MAD1L1: variants seen among roughly 807,000 people sequenced by gnomAD.
MAD1L1 encodes the protein mitotic spindle assembly checkpoint protein MAD1.
In MAD1L1, 95 loss-of-function variants were observed where a neutral mutation model predicts 96.9. The observed-to-expected ratio is 0.98, with a 90% CI of 0.83 to 1.16. The LOEUF is 1.16. MAD1L1 is among the 50% of genes most tolerant of loss of function. MAD1L1 has a pLI of 0.00. For synonymous variants in MAD1L1, 473 were observed against 396.6 expected (o/e 1.19, Z -2.29); for missense variants, 1,007 against 954.4 (o/e 1.06, Z -0.73).
intron 16 of MAD1L1, among the ~76,000 whole-genome samples, chr7:1,944,368 G>A (rs563631730): frequency 2.6e-4 from 40 of 152,316 alleles, no homozygotes; most frequent in Admixed American, 8.5e-4. Flanking sequence ...TGGAATGTGC[G>A]TCGCATTTCA....
At chr7:1,932,581 A>T (rs1331574093) in intron 17 of MAD1L1, among the ~76,000 whole-genome samples, 1 of 152,246 alleles carries the variant, frequency 6.6e-6, no homozygotes, top group Non-Finnish European at 1.5e-5. Flanking sequence ...TAGATGACTG[A>T]TCCCGGATCC....
chr7:2,113,163 C>T (rs1787470763), intron 11 of MAD1L1, among the ~76,000 whole-genome samples: 1 of 151,898 alleles, frequency 6.6e-6, no homozygotes, highest in South Asian at 2.1e-4. Flanking sequence ...CCTCCCTCAG[C>T]AAAGCGTCCC....
intron 9 of MAD1L1, among the ~76,000 whole-genome samples, chr7:2,214,803 C>T (rs1486038865): frequency 1.3e-5 from 2 of 152,206 alleles, no homozygotes; most frequent in South Asian, 2.1e-4. Context: ...CCAACTGCCG[C>T]GGTGAAGACA....
intron 18 of MAD1L1, among the ~76,000 whole-genome samples, chr7:1,888,321 T>G (rs992785804): frequency 1.4e-5 from 2 of 138,438 alleles, no homozygotes; most frequent in African/African-American, 5.0e-5. Flanking sequence ...CCTATGTGTG[T>G]GTGTGCATGC....
At chr7:2,151,544 C>A in intron 10 of MAD1L1, among the ~76,000 whole-genome samples, 1 of 152,268 alleles carries the variant, frequency 6.6e-6, no homozygotes, top group East Asian at 1.9e-4. Flanking sequence ...TGTGGGGAAG[C>A]CTCCCTGCAG....
intron 12 of MAD1L1, among the ~76,000 whole-genome samples, chr7:2,052,107 G>A (rs1031758822): frequency 1.3e-5 from 2 of 152,104 alleles, no homozygotes; most frequent in African/African-American, 2.4e-5. Context: ...CAAGACCCAC[G>A]CTCCGCACAC....
At chr7:2,220,915 C>T (rs773911373) in intron 5 of MAD1L1, 20 of 1,611,892 alleles carry the variant, frequency 1.2e-5, no homozygotes, top group East Asian at 1.1e-4. Flanking sequence ...GATGCAGGGC[C>T]GAGCCCACCT....
intron 10 of MAD1L1, among the ~76,000 whole-genome samples, chr7:2,162,481 A>G (rs1790201342): frequency 6.6e-6 from 1 of 151,900 alleles, no homozygotes; most frequent in African/African-American, 2.4e-5. Context: ...GCCTAGGAAA[A>G]CCAGAGACCT....
At chr7:2,123,811 G>C (rs573792711) in intron 11 of MAD1L1, among the ~76,000 whole-genome samples, 86 of 152,356 alleles carry the variant, frequency 5.6e-4, no homozygotes, top group Admixed American at 2.1e-3. Flanking sequence ...GCTGTGCAAA[G>C]AATCAGCGCT....
At chr7:2,127,184 G>C (rs954971227) in intron 11 of MAD1L1, among the ~76,000 whole-genome samples, 16 of 152,216 alleles carry the variant, frequency 1.1e-4, no homozygotes, top group Admixed American at 3.3e-4. Context: ...GCTGGCATGA[G>C]CCCACGGGCC....
At chr7:1,983,770 G>A (rs1039117913) in intron 14 of MAD1L1, among the ~76,000 whole-genome samples, 7 of 152,178 alleles carry the variant, frequency 4.6e-5, no homozygotes, top group African/African-American at 7.2e-5. Flanking sequence ...TCAGTCAATA[G>A]CTCCAGGTAA....
At chr7:1,860,627 G>A (rs1359230198) in intron 18 of MAD1L1, among the ~76,000 whole-genome samples, 1 of 152,176 alleles carries the variant, frequency 6.6e-6, no homozygotes, top group South Asian at 2.1e-4. Context: ...TCTGCCTGGG[G>A]GCTCCCTTGG....
chr7:2,032,926 G>A (rs1305578811), intron 12 of MAD1L1, among the ~76,000 whole-genome samples: 1 of 152,238 alleles, frequency 6.6e-6, no homozygotes, highest in African/African-American at 2.4e-5. Context: ...CATGGGGCAG[G>A]GGGGCAAGGC....
intron 12 of MAD1L1, among the ~76,000 whole-genome samples, chr7:2,018,098 C>T (rs1782624206): frequency 6.6e-6 from 1 of 152,180 alleles, no homozygotes; most frequent in Middle Eastern, 3.2e-3. Context: ...GAGACCGGCC[C>T]CGTGGCCCCC....
At chr7:2,182,952 G>A (rs1791273789) in intron 10 of MAD1L1, among the ~76,000 whole-genome samples, 1 of 152,048 alleles carries the variant, frequency 6.6e-6, no homozygotes, top group African/African-American at 2.4e-5. Flanking sequence ...GCAGGGCATG[G>A]TGGCTCACGC....
intron 11 of MAD1L1, among the ~76,000 whole-genome samples, chr7:2,112,361 C>G (rs766943762): frequency 7.9e-5 from 12 of 152,052 alleles, no homozygotes; most frequent in Non-Finnish European, 1.0e-4. Context: ...AAGCGGTAAA[C>G]CTAAGGGAAC....
At chr7:1,987,289 C>T (rs1312017124) in intron 14 of MAD1L1, among the ~76,000 whole-genome samples, 1 of 152,218 alleles carries the variant, frequency 6.6e-6, no homozygotes, top group African/African-American at 2.4e-5. Context: ...ATGTAGGGCC[C>T]CATTGCCAGC....
At chr7:2,094,906 G>A (rs562119814) in intron 11 of MAD1L1, among the ~76,000 whole-genome samples, 4 of 152,314 alleles carry the variant, frequency 2.6e-5, no homozygotes, top group Admixed American at 1.3e-4. Flanking sequence ...TTTCCTGACC[G>A]GGTGATGGTG....
intron 18 of MAD1L1, among the ~76,000 whole-genome samples, chr7:1,891,974 T>G (rs545600755): frequency 7.9e-5 from 12 of 152,302 alleles, no homozygotes; most frequent in Non-Finnish European, 1.5e-4. Flanking sequence ...TGCACACTCA[T>G]GTCCTAGGCC....
Sources: gnomAD v4.1 joint callset for allele counts (sites outside exome capture counted in the v4.1 genomes callset) on GRCh38, gnomAD v4.1.1 for gene constraint, MANE v1.5 for transcripts, NCBI Gene and HGNC (gene_info 2026-07-23, HGNC 2026-07-21) for gene names.